SCN11A: variants seen among roughly 807,000 people sequenced by gnomAD.
SCN11A encodes the protein sodium channel protein type 11 subunit alpha.
Under a neutral mutation model 162.2 loss-of-function variants are expected in SCN11A, and 122 were observed. The ratio of observed to expected loss-of-function variants is 0.75; its 90% CI spans 0.65 to 0.87. The LOEUF (loss-of-function observed/expected upper bound fraction) is 0.87. SCN11A is among the 40% of genes least tolerant of loss of function. The pLI is 0.00. For synonymous variants in SCN11A, 758 were observed against 751.5 expected, an observed-to-expected ratio of 1.01 and a Z score of -0.14; for missense variants, 2,015 against 2,181.6, an observed-to-expected ratio of 0.92 and a Z score of 1.52.
chr3:38,864,180 C>A (rs930050672), intron 27 of SCN11A, among the ~76,000 whole-genome samples: 1 of 152,080 alleles, frequency 6.6e-6, no homozygotes, highest in Non-Finnish European at 1.5e-5. Context: ...GGAAGACAAC[C>A]AGAAAATTGT....
At chr3:39,035,097 C>T (rs2031870080) in intron 1 of SCN11A, among the ~76,000 whole-genome samples, 1 of 152,006 alleles carries the variant, frequency 6.6e-6, no homozygotes, top group South Asian at 2.1e-4. Flanking sequence ...AAAAAAAAAT[C>T]CTAAAATTTA....
intron 19 of SCN11A, among the ~76,000 whole-genome samples, chr3:38,887,439 G>T (rs1171597647): frequency 8.2e-6 from 1 of 121,648 alleles, no homozygotes; most frequent in Admixed American, 8.7e-5. Flanking sequence ...ACTGTTGTGG[G>T]GTGGGGGGAG....
chr3:39,018,693 C>T (rs949276996), intron 2 of SCN11A, among the ~76,000 whole-genome samples: 30 of 152,222 alleles, frequency 2.0e-4, no homozygotes, highest in African/African-American at 7.2e-4. Flanking sequence ...TGGCGGGCAC[C>T]TGTAGTCCCA....
At chr3:38,942,964 T>C (rs1022501708) in intron 7 of SCN11A, among the ~76,000 whole-genome samples, 15 of 152,192 alleles carry the variant, frequency 9.9e-5, no homozygotes, top group Non-Finnish European at 8.8e-5. Flanking sequence ...CAATTACACC[T>C]AGGTATTTAT....
At chr3:38,879,112 G>A (rs2065267519) in intron 23 of SCN11A, among the ~76,000 whole-genome samples, 1 of 152,124 alleles carries the variant, frequency 6.6e-6, no homozygotes. Context: ...GCTTTGGAGT[G>A]AGGCTTACGA....
intron 28 of SCN11A, among the ~76,000 whole-genome samples, chr3:38,857,521 C>T (rs543350905): frequency 6.6e-6 from 1 of 151,754 alleles, no homozygotes; most frequent in Non-Finnish European, 1.5e-5. Flanking sequence ...ATGGCTAAAC[C>T]TAAGAATAAT....
At chr3:38,933,767 C>T (rs1192094623) in intron 7 of SCN11A, among the ~76,000 whole-genome samples, 1 of 152,140 alleles carries the variant, frequency 6.6e-6, no homozygotes, top group African/African-American at 2.4e-5. Context: ...CTGAAAGTGA[C>T]AGGGAGAATG....
intron 1 of SCN11A, among the ~76,000 whole-genome samples, chr3:39,035,975 G>A (rs9845252): frequency 0.069 from 10,567 of 152,158 alleles, 1,177 homozygotes; most frequent in African/African-American, 0.23. Flanking sequence ...TCTGACTTGG[G>A]CTAGTCCAAT....
intron 2 of SCN11A, among the ~76,000 whole-genome samples, chr3:38,981,890 G>A (rs1240182460): frequency 6.6e-6 from 1 of 151,908 alleles, no homozygotes; most frequent in Non-Finnish European, 1.5e-5. Context: ...TGTAGTCCCA[G>A]CTACTCAGGA....
rs2065112854 is a variant in SCN11A at position 38,870,747 on chromosome 3, G to T, written c.3760-3C>A. On this transcript the variant is annotated splice_region_variant and splice_polypyrimidine_tract_variant and intron_variant, in intron 25 of 29. Coordinates refer to ENST00000302328, the MANE Select transcript of SCN11A (RefSeq NM_001349253.2). ...TCCATCCAGCCCTTAAATGTTGCCT[G>T]CAACAAAAGCAGAAAAACATGAATA... 3 of 1,612,366 alleles carry T rather than the reference G, an allele frequency of 1.9e-6. No individual in the cohort carries two copies. The highest frequency in any genetic ancestry group is 2.5e-6 in the Non-Finnish European group (3 of 1,178,740).
chr3:38,949,773 G>C (rs1254431115), intron 5 of SCN11A, among the ~76,000 whole-genome samples: 3 of 152,174 alleles, frequency 2.0e-5, no homozygotes, highest in African/African-American at 7.2e-5. Flanking sequence ...CCAATCAATT[G>C]AAATGGCCTG....
intron 28 of SCN11A, among the ~76,000 whole-genome samples, chr3:38,862,706 A>G (rs1575217191): frequency 6.6e-6 from 1 of 152,274 alleles, no homozygotes; most frequent in African/African-American, 2.4e-5. Flanking sequence ...ACATAAAGGC[A>G]TAAGAATGAT....
At chr3:38,929,011 A>G (rs543641917) in intron 7 of SCN11A, among the ~76,000 whole-genome samples, 2 of 152,328 alleles carry the variant, frequency 1.3e-5, no homozygotes, top group South Asian at 2.1e-4. Flanking sequence ...ACTGTTCATA[A>G]TAACAAAGAG....
chr3:38,971,626 T>C (rs146339566), intron 2 of SCN11A, among the ~76,000 whole-genome samples: 1 of 152,258 alleles, frequency 6.6e-6, no homozygotes, highest in Non-Finnish European at 1.5e-5. Context: ...GTCCTCTTCT[T>C]CCAGGGAGCT....
chr3:38,955,690 CAATT>C (rs540734715), intron 3 of SCN11A, among the ~76,000 whole-genome samples: 186 of 152,232 alleles, frequency 1.2e-3, no homozygotes, highest in African/African-American at 4.3e-3. Context: ...TAGCTAAGTG[CAATT>C]ATTTTCCAAG....
intron 17 of SCN11A, among the ~76,000 whole-genome samples, chr3:38,898,923 A>G (rs2065650428): frequency 6.6e-6 from 1 of 152,168 alleles, no homozygotes; most frequent in South Asian, 2.1e-4. Flanking sequence ...TAATAAGCCT[A>G]AACAATGATA....
intron 1 of SCN11A, among the ~76,000 whole-genome samples, chr3:39,047,952 G>A (rs993270622): frequency 3.3e-5 from 5 of 152,134 alleles, no homozygotes; most frequent in African/African-American, 7.2e-5. Context: ...AACCATTATG[G>A]AAAACAGTGT....
intron 7 of SCN11A, among the ~76,000 whole-genome samples, chr3:38,934,984 C>T (rs1302696880): frequency 2.6e-5 from 4 of 151,522 alleles, no homozygotes; most frequent in African/African-American, 9.7e-5. Context: ...GGAAGTAAAG[C>T]TCTCCTCAGC....
At chr3:38,891,206 G>T (rs1013319977) in intron 19 of SCN11A, among the ~76,000 whole-genome samples, 5 of 152,008 alleles carry the variant, frequency 3.3e-5, no homozygotes, top group African/African-American at 9.7e-5. Context: ...AATATCAATA[G>T]AAATTATATT....
Sources: allele counts gnomAD v4.1 joint callset (sites outside exome capture counted in the v4.1 genomes callset), GRCh38; gene constraint gnomAD v4.1.1; transcripts MANE v1.5; gene names NCBI Gene and HGNC (gene_info 2026-07-23, HGNC 2026-07-21).